Variants in TP53BP1 observed in about 807,000 individuals in gnomAD.
TP53BP1 encodes the protein TP53-binding protein 1.
Under a neutral mutation model 200.8 loss-of-function variants are expected in TP53BP1, and 61 were observed. The ratio of observed to expected loss-of-function variants is 0.30; its 90% CI spans 0.25 to 0.38. The LOEUF is 0.38. Ranked by LOEUF, TP53BP1 falls within the 10% of genes least tolerant of loss-of-function variation. The pLI is 1.00. For synonymous variants in TP53BP1, 822 were observed against 844.3 expected (o/e 0.97, Z 0.46); for missense variants, 2,144 against 2,371.9 (o/e 0.90, Z 2.00).
chr15:43,496,911 G>A (rs1250780450), upstream of TP53BP1, among the ~76,000 whole-genome samples: 1 of 152,152 alleles, frequency 6.6e-6, no homozygotes, highest in African/African-American at 2.4e-5. Context: ...ATGAGCCATA[G>A]TGCCCAGCCT....
At chr15:43,463,909 C>T (rs903516235) in intron 11 of TP53BP1, among the ~76,000 whole-genome samples, 1 of 152,218 alleles carries the variant, frequency 6.6e-6, no homozygotes, top group Non-Finnish European at 1.5e-5. Flanking sequence ...TGCCTCCCAA[C>T]CCCCCTTCCC....
In TP53BP1 at chr15:43,456,667, T is replaced by C; in HGVS notation, c.1941A>G (p.Leu647=). 1 of 1,614,142 alleles carries C rather than the reference T, an allele frequency of 6.2e-7. No individual in the cohort carries two copies. The highest frequency in any genetic ancestry group is 8.5e-7 in the Non-Finnish European group (1 of 1,180,028). The change falls in exon 12 of 28, where the codon TTA becomes TTG. Residue 647 remains leucine, a synonymous_variant. Transcript: ENST00000382044. ...ATRSEALSSV[L]DQEEAMEIKE... Reference sequence around the variant, plus strand: ...TAATTTCCATAGCTTCCTCCTGATCTAACACACTAGAAAGTGCCTCAGATC... The same window carrying C: ...TAATTTCCATAGCTTCCTCCTGATCCAACACACTAGAAAGTGCCTCAGATC...
intron 4 of TP53BP1, among the ~76,000 whole-genome samples, chr15:43,485,944 T>C (rs2079041166): frequency 6.6e-6 from 1 of 151,754 alleles, no homozygotes; most frequent in African/African-American, 2.4e-5. Flanking sequence ...AAACAGTACT[T>C]TAGTTAAACT....
Position 43,405,312 on chromosome 15 carries a change from G to A in TP53BP1, c.*2071C>T. 1 of 1,398,542 alleles carries A rather than the reference G, an allele frequency of 7.2e-7. No individual in the cohort carries two copies. The allele number at this position is 1,398,542 out of a possible 1,614,324, so 86.6% of individuals were successfully genotyped here. On this transcript the variant is annotated 3_prime_UTR_variant, in exon 28 of 28. Transcript: ENST00000382044. ...TCTAGCCACACACAAATAAATATCT[G>A]CGGCTTAGTGATAGGACTCTACCTT...
chr15:43,508,896 G>A (rs1314059702), intron 1 of TP53BP1, among the ~76,000 whole-genome samples: 1 of 152,186 alleles, frequency 6.6e-6, no homozygotes, highest in Non-Finnish European at 1.5e-5. Flanking sequence ...ACAAGGCTGA[G>A]TTTCTGCCCC....
chr15:43,420,672 A>G lies in TP53BP1; in HGVS notation c.4314T>C (p.Asp1438=). Reference sequence around the variant, plus strand: ...GGGGCACGACACGGCTGAAGGATTTATCATCTGGTGACAAGTTAGGTGAAA... The same window carrying G: ...GGGGCACGACACGGCTGAAGGATTTGTCATCTGGTGACAAGTTAGGTGAAA... ...EDISPNLSPD[D]KSFSRVVPRV... is the part of the protein sequence containing the mutation. The change falls in exon 21 of 28, where the codon GAT becomes GAC. Residue 1438 remains aspartate (D), a synonymous_variant. Coordinates refer to ENST00000382044, the MANE Select transcript of TP53BP1 (RefSeq NM_001141980.3). 6.2e-7 allele frequency: 1 copy of G among 1,614,236 alleles called. No homozygotes were observed. Among genetic ancestry groups the G allele is most frequent in the Non-Finnish European group, 8.5e-7 (1 of 1,180,044 alleles).
chr15:43,412,903 G>C, intron 24 of TP53BP1: 2 of 603,162 alleles, frequency 3.3e-6, no homozygotes, highest in Non-Finnish European at 6.1e-6. Flanking sequence ...CTGCCTCACA[G>C]GATTGTTTTC....
Position 43,432,453 on chromosome 15 carries a change from G to A in TP53BP1, c.3416C>T (p.Thr1139Ile). Residue 1139 changes from threonine to isoleucine, a missense_variant, in exon 17 of 28, where the codon ACT becomes ATT. Thr to Ile is a moderately conservative substitution (Grantham distance 89). Coordinates refer to ENST00000382044, the MANE Select transcript of TP53BP1 (RefSeq NM_001141980.3). ...VLEDQKEGRS[T>I]NKENPSKALI... is the part of the protein sequence containing the mutation. ...GGCCTTACTAGGATTTTCCTTATTA[G>A]TACTCCGTCCTTCTTTCTGGTCTTC... is the stretch of plus-strand genomic sequence containing the variant. 1 of 1,614,146 alleles carries A rather than the reference G, an allele frequency of 6.2e-7. No individual in the cohort carries two copies. Among genetic ancestry groups the A allele is most frequent in the Non-Finnish European group, 8.5e-7 (1 of 1,180,008 alleles).
At chr15:43,509,619 G>A (rs1184824184) in intron 1 of TP53BP1, among the ~76,000 whole-genome samples, 1 of 152,192 alleles carries the variant, frequency 6.6e-6, no homozygotes, top group Non-Finnish European at 1.5e-5. Flanking sequence ...ATGTTGGCCA[G>A]GCTGGTCTTG....
chr15:43,440,873 A>G lies in TP53BP1; in HGVS notation c.3098+653T>C, dbSNP rs557295157. Among the ~76,000 whole-genome samples, 148 of 152,342 alleles carry G rather than the reference A, an allele frequency of 9.7e-4. No homozygotes were observed. In the Middle Eastern group the frequency reaches 0.014, roughly 14 times the overall value. ...CACCGCACTCCAGCCTGGGCAACAG[A>G]GCAAGATTCTGTCTCAAAAAATAAA... On this transcript the variant is annotated intron_variant, in intron 15 of 27. Coordinates refer to ENST00000382044, the MANE Select transcript of TP53BP1 (RefSeq NM_001141980.3).
chr15:43,506,971 GTAAT>G (rs1013213842), intron 1 of TP53BP1, among the ~76,000 whole-genome samples: 1 of 152,164 alleles, frequency 6.6e-6, no homozygotes, highest in Non-Finnish European at 1.5e-5. Context: ...TACATAGGAT[GTAAT>G]TAATAGGAAA....
At chr15:43,419,202 AGAGT>A (rs1372981034) in intron 21 of TP53BP1, among the ~76,000 whole-genome samples, 5 of 152,180 alleles carry the variant, frequency 3.3e-5, no homozygotes, top group East Asian at 1.9e-4. Flanking sequence ...CCTGGGAAAC[AGAGT>A]GAGTGAGACT....
At chr15:43,441,351 C>T in intron 15 of TP53BP1, 175 bp downstream of exon 15, 1 of 508,864 alleles carries the variant, frequency 2.0e-6, no homozygotes, top group South Asian at 3.4e-5. Flanking sequence ...CTTCACTGAA[C>T]TTAAAAAAGT....
At chr15:43,431,790 T>C (rs2045676527) in intron 17 of TP53BP1, among the ~76,000 whole-genome samples, 1 of 152,146 alleles carries the variant, frequency 6.6e-6, no homozygotes, top group Non-Finnish European at 1.5e-5. Flanking sequence ...CCCCTTACCT[T>C]CTACTCTCTG....
intron 4 of TP53BP1, among the ~76,000 whole-genome samples, chr15:43,488,932 G>C (rs531147097): frequency 1.3e-5 from 2 of 152,252 alleles, no homozygotes; most frequent in South Asian, 4.1e-4. Flanking sequence ...CATTCTTTTG[G>C]AATCAACTCC....
intron 24 of TP53BP1, among the ~76,000 whole-genome samples, chr15:43,412,051 T>C (rs2045130190): frequency 6.6e-6 from 1 of 152,182 alleles, no homozygotes; most frequent in African/African-American, 2.4e-5. Flanking sequence ...CCACTGTGCC[T>C]ATCTGATTGT....
chr15:43,506,599 T>C (rs1043998409), intron 1 of TP53BP1, among the ~76,000 whole-genome samples: 1 of 152,202 alleles, frequency 6.6e-6, no homozygotes, highest in Non-Finnish European at 1.5e-5. Flanking sequence ...AAAGCATTGG[T>C]GTGCCACTAT....
At chr15:43,407,772 C>T (rs917273699) in intron 27 of TP53BP1, 171 bp downstream of exon 27, 31 of 779,742 alleles carry the variant, frequency 4.0e-5, no homozygotes, top group African/African-American at 1.4e-4. Flanking sequence ...AACAAATATA[C>T]GTCCAGTGCT....
At chr15:43,488,183 C>T (rs2079072329) in intron 4 of TP53BP1, among the ~76,000 whole-genome samples, 1 of 151,982 alleles carries the variant, frequency 6.6e-6, no homozygotes, top group Non-Finnish European at 1.5e-5. Context: ...CCTGTCGTCT[C>T]AGCTACTTGC....
Sources: allele counts gnomAD v4.1 joint callset (sites outside exome capture counted in the v4.1 genomes callset), GRCh38; gene constraint gnomAD v4.1.1; transcripts MANE v1.5; gene names NCBI Gene and HGNC (gene_info 2026-07-23, HGNC 2026-07-21).